The following CREBBP variants were observed in gnomAD, a reference collection of about 807,000 sequenced individuals.
CREBBP encodes CREB-binding protein.
CREBBP carries 19 observed loss-of-function variants against 265.0 expected under a neutral mutation model. The ratio of observed to expected loss-of-function variants is 0.07; its 90% CI spans 0.05 to 0.11. CREBBP has a LOEUF of 0.11. CREBBP is among the 10% of genes least tolerant of loss of function. The probability of loss-of-function intolerance (pLI) is 1.00; values close to 1 mark genes in which losing one functional copy is unlikely to be tolerated. For missense variants in CREBBP, 2,525 were observed against 3,219.0 expected (o/e 0.78, Z 5.22); for synonymous variants, 1,457 against 1,223.7 (o/e 1.19, Z -3.98).
chr16:3,802,455 C>T (rs1426853683), intron 3 of CREBBP, among the ~76,000 whole-genome samples: 2 of 151,966 alleles, frequency 1.3e-5, no homozygotes, highest in Non-Finnish European at 2.9e-5. Context: ...TTAAAAGAAT[C>T]TAACATGCAT....
rs773348705 is a variant in CREBBP, at chr16:3,728,593, G to A, written c.6454C>T (p.Pro2152Ser). The change falls in exon 31 of 31, where the codon CCC becomes TCC. Residue 2152 changes from proline (P) to serine (S), a missense_variant. Around this residue, in one of 19 missense-constraint regions of CREBBP, gnomAD observed 473 missense variants for 459.3 expected, o/e 1.03. Coordinates refer to ENST00000262367, the MANE Select transcript of CREBBP (RefSeq NM_004380.3). The surrounding 1 kb of genome is among the most constrained non-coding windows in gnomAD (Gnocchi z 8.7). ...LNAMQAGVPRPGVPPQQQAMG... is the reference protein window; with the variant it reads ...LNAMQAGVPRSGVPPQQQAMG... Reference sequence around the variant, plus strand: ...GCCTGCTGCTGTGGAGGCACACCGGGCCGCGGCACGCCAGCCTGCATGGCA... The same window carrying A: ...GCCTGCTGCTGTGGAGGCACACCGGACCGCGGCACGCCAGCCTGCATGGCA... 7 of 1,613,684 alleles carry A rather than the reference G, an allele frequency of 4.3e-6. No homozygotes were observed. Among genetic ancestry groups the A allele is most frequent in the Admixed American group, 1.7e-5 (1 of 59,988 alleles).
At chr16:3,803,378 G>A (rs1405487325) in intron 3 of CREBBP, among the ~76,000 whole-genome samples, 6 of 150,508 alleles carry the variant, frequency 4.0e-5, no homozygotes, top group South Asian at 4.2e-4. Flanking sequence ...GGTGGCGGGC[G>A]CCTGTAATCC....
chr16:3,867,757 T>TAAAAAAAA (rs756198312), intron 1 of CREBBP, among the ~76,000 whole-genome samples: 5 of 94,534 alleles, frequency 5.3e-5, no homozygotes, highest in African/African-American at 1.6e-4. Context: ...GTATCTCTAC[T>TAAAAAAAA]AAAAAAAAAA....
intron 1 of CREBBP, among the ~76,000 whole-genome samples, chr16:3,864,654 A>C (rs1275392809): frequency 6.6e-6 from 1 of 152,148 alleles, no homozygotes; most frequent in East Asian, 1.9e-4. Flanking sequence ...ACTCAAAATA[A>C]TAATAAAAAG....
rs763070109 is a variant in CREBBP at position 3,793,550 on chromosome 16, C to T, written c.1052G>A (p.Arg351His). 1 of 1,614,082 alleles carries T rather than the reference C, an allele frequency of 6.2e-7. No homozygotes were observed. The highest frequency in any genetic ancestry group is 8.5e-7 in the Non-Finnish European group (1 of 1,180,028). The change falls in exon 4 of 31, where the codon CGC (arginine) becomes CAC (histidine). Residue 351 changes from arginine to histidine, a missense_variant. Coordinates refer to ENST00000262367, the MANE Select transcript of CREBBP (RefSeq NM_004380.3). ...ATGPTADPEKRKLIQQQLVLL... is the reference protein window; with the variant it reads ...ATGPTADPEKHKLIQQQLVLL... Reference sequence around the variant, plus strand: ...AACCAGCTGCTGCTGTATCAGTTTGCGTTTTTCAGGATCTGCAGTGGGGCC... The same window carrying T: ...AACCAGCTGCTGCTGTATCAGTTTGTGTTTTTCAGGATCTGCAGTGGGGCC...
intron 6 of CREBBP, among the ~76,000 whole-genome samples, chr16:3,782,411 G>C (rs755516881): frequency 6.6e-6 from 1 of 152,230 alleles, no homozygotes. Context: ...TCTGCATTCT[G>C]AGGCACATGG....
At chr16:3,772,328 AACACAC>A (rs34060381) in intron 13 of CREBBP, among the ~76,000 whole-genome samples, 19,663 of 145,226 alleles carry the variant, frequency 0.14, 1,538 homozygotes, top group Non-Finnish European at 0.18. Context: ...CTGAAACACA[AACACAC>A]ACACACACAC....
chr16:3,866,199 A>G (rs2055176093), intron 1 of CREBBP, among the ~76,000 whole-genome samples: 1 of 152,240 alleles, frequency 6.6e-6, no homozygotes, highest in African/African-American at 2.4e-5. Context: ...AAGGGATGTG[A>G]CAATCGACAT....
chr16:3,774,792 C>T, intron 11 of CREBBP, 99 bp from the exon 12 acceptor site: 6 of 1,451,942 alleles, frequency 4.1e-6, no homozygotes, highest in Non-Finnish European at 5.7e-6. Flanking sequence ...AGATGGAACG[C>T]ACAGGCAACA....
rs142802343 is a variant in CREBBP at position 3,821,910 on chromosome 16, G to A, written c.799-11131C>T. On this transcript the variant is annotated intron_variant, in intron 2 of 30. Transcript: ENST00000262367. ...CCAGGCATGGTGGCACACACCTGTA[G>A]CCCCAGCTACAGGTTTAGGCAGGAG... Among the ~76,000 whole-genome samples, 408 of 152,174 alleles carry A rather than the reference G, an allele frequency of 2.7e-3. 14 individuals are homozygous for A. In the East Asian group the frequency reaches 0.07, roughly 26 times the overall value.
At chr16:3,736,377 G>A (rs934547979) in intron 27 of CREBBP, 174 bp from the exon 28 acceptor site, 5 of 772,084 alleles carry the variant, frequency 6.5e-6, no homozygotes, top group Non-Finnish European at 1.1e-5. Context: ...CCCCACCACA[G>A]TGCTGGAGCC....
At chr16:3,842,871 C>T (rs2054590699) in intron 2 of CREBBP, among the ~76,000 whole-genome samples, 1 of 146,714 alleles carries the variant, frequency 6.8e-6, no homozygotes, top group African/African-American at 2.5e-5. Flanking sequence ...GAGGCTGAGG[C>T]AGGAGAATCG....
chr16:3,837,521 C>G (rs1457969627), intron 2 of CREBBP, among the ~76,000 whole-genome samples: 1 of 151,838 alleles, frequency 6.6e-6, no homozygotes, highest in Non-Finnish European at 1.5e-5. Flanking sequence ...GAGGCTGAGG[C>G]AGGAGAATTG....
chr16:3,834,336 A>G (rs1327292537), intron 2 of CREBBP, among the ~76,000 whole-genome samples: 1 of 152,246 alleles, frequency 6.6e-6, no homozygotes, highest in African/African-American at 2.4e-5. Flanking sequence ...CATAATTGCC[A>G]AAACTTGGAA....
chr16:3,851,305 T>TA (rs2054830531), intron 1 of CREBBP, among the ~76,000 whole-genome samples: 6 of 69,004 alleles, frequency 8.7e-5, no homozygotes, highest in East Asian at 4.5e-4. Context: ...AAAAAAAAAA[T>TA]TAAAAAAAAA....
chr16:3,791,423 A>G (rs1171414441), intron 5 of CREBBP, among the ~76,000 whole-genome samples: 1 of 152,182 alleles, frequency 6.6e-6, no homozygotes, highest in Non-Finnish European at 1.5e-5. Flanking sequence ...TGTGAAGCAG[A>G]GTGAACGTTT....
At chr16:3,878,879 G>C (rs564154290) in intron 1 of CREBBP, among the ~76,000 whole-genome samples, 11 of 152,278 alleles carry the variant, frequency 7.2e-5, no homozygotes, top group African/African-American at 2.4e-4. Flanking sequence ...CAGAATTACT[G>C]AATTAATAGA....
chr16:3,793,682 T>C (rs2053550643), intron 3 of CREBBP, 56 bp from the exon 4 acceptor site: 2 of 1,580,260 alleles, frequency 1.3e-6, no homozygotes, highest in Admixed American at 1.8e-5. Flanking sequence ...CCAAGTCATA[T>C]TCATTAATTA....
chr16:3,840,954 T>C (rs2054554940), intron 2 of CREBBP: 2 of 156,540 alleles, frequency 1.3e-5, no homozygotes, highest in South Asian at 4.1e-4. Context: ...GTGTAACAGA[T>C]GGGGTACTTT....
Sources: allele counts gnomAD v4.1 joint callset (sites outside exome capture counted in the v4.1 genomes callset), GRCh38; gene constraint gnomAD v4.1.1; regional missense constraint gnomAD v4.1.1; non-coding constraint Gnocchi (gnomAD v3.1); transcripts MANE v1.5; gene names NCBI Gene and HGNC (gene_info 2026-07-23, HGNC 2026-07-21).